COL25A1: variants seen among roughly 807,000 people sequenced by gnomAD.
The protein encoded by COL25A1 is collagen alpha-1(XXV) chain.
In COL25A1, 103 loss-of-function variants were observed where a neutral mutation model predicts 128.4. The ratio of observed to expected loss-of-function variants is 0.80; its 90% CI spans 0.68 to 0.94. COL25A1 has a LOEUF of 0.94. Ranked by LOEUF, COL25A1 falls within the 40% of genes least tolerant of loss-of-function variation. The pLI is 0.00. For synonymous variants in COL25A1, 279 were observed against 277.2 expected, an observed-to-expected ratio of 1.01 and a Z score of -0.06; for missense variants, 745 against 840.0, an observed-to-expected ratio of 0.89 and a Z score of 1.40.
At chr4:109,275,895 A>G (rs1722790717) in intron 3 of COL25A1, among the ~76,000 whole-genome samples, 1 of 152,174 alleles carries the variant, frequency 6.6e-6, no homozygotes, top group Non-Finnish European at 1.5e-5. Flanking sequence ...AGAGAAAGTC[A>G]TGTGAGCATT....
intron 13 of COL25A1, among the ~76,000 whole-genome samples, chr4:108,908,703 C>CTCCT (rs1322599613): frequency 1.3e-5 from 2 of 152,170 alleles, no homozygotes; most frequent in African/African-American, 4.8e-5. Flanking sequence ...AAGAGTAATT[C>CTCCT]ACACAGAGGC....
At chr4:109,302,142 G>A in intron 1 of COL25A1, 27 bp downstream of exon 1, 1 of 1,296,214 alleles carries the variant, frequency 7.7e-7, no homozygotes. Flanking sequence ...CTAGTTGGTG[G>A]AGTCAAGCCC....
chr4:109,133,646 A>G (rs984792822), intron 3 of COL25A1, among the ~76,000 whole-genome samples: 2 of 152,190 alleles, frequency 1.3e-5, no homozygotes, highest in Non-Finnish European at 2.9e-5. Context: ...AGCAGCAGGA[A>G]TTTAAGAACT....
At chr4:108,887,757 T>G (rs541194905) in intron 18 of COL25A1, among the ~76,000 whole-genome samples, 3 of 152,192 alleles carry the variant, frequency 2.0e-5, no homozygotes, top group Non-Finnish European at 4.4e-5. Context: ...TGAAAATCTA[T>G]TTGAATATTC....
At chr4:108,821,995 A>G (rs1731818488) in intron 35 of COL25A1, among the ~76,000 whole-genome samples, 1 of 147,572 alleles carries the variant, frequency 6.8e-6, no homozygotes, top group African/African-American at 2.5e-5. Context: ...CCTATGCTGT[A>G]ATGCTGGTAA....
rs147107349 is a variant in COL25A1, at chr4:108,854,660, A to T, written c.1321-1735T>A. On this transcript the variant is annotated intron_variant, in intron 24 of 37. Coordinates refer to ENST00000399132, the MANE Select transcript of COL25A1 (RefSeq NM_198721.4). ...AGAAATGCAAATCAAAACCACAATG[A>T]GATACCATCTCATGCCAGTTAGAAT... Among the ~76,000 whole-genome samples the T allele has an allele frequency of 4.2e-3, 636 of 152,302 alleles. 5 individuals carry two copies. Among genetic ancestry groups the T allele is most frequent in the African/African-American group, 0.015 (610 of 41,560 alleles).
chr4:108,983,697 G>A (rs187332087), intron 6 of COL25A1, among the ~76,000 whole-genome samples: 2 of 152,092 alleles, frequency 1.3e-5, no homozygotes, highest in African/African-American at 2.4e-5. Flanking sequence ...CGCTGGCTCA[G>A]GAGTGAAGCT....
Position 109,001,145 on chromosome 4 carries a change from A to C in COL25A1, c.438+9213T>G, listed in dbSNP as rs146727106. Among the ~76,000 whole-genome samples the C allele has an allele frequency of 4.8e-3, 736 of 152,312 alleles. 4 individuals are homozygous for C. The highest frequency in any genetic ancestry group is 8.7e-3 in the Non-Finnish European group (591 of 68,028). On this transcript the variant is annotated intron_variant, in intron 6 of 37. Coordinates refer to ENST00000399132, the MANE Select transcript of COL25A1 (RefSeq NM_198721.4). ...TCTAAATGAAAACCATTAAGACTCA[A>C]GGTTTTGAGGTCAGAAGAGTGACAT... is the stretch of plus-strand genomic sequence containing the variant.
intron 3 of COL25A1, among the ~76,000 whole-genome samples, chr4:109,269,022 G>A (rs1004970871): frequency 6.6e-6 from 1 of 151,064 alleles, no homozygotes; most frequent in Non-Finnish European, 1.5e-5. Flanking sequence ...ATGCTGGTGT[G>A]CTGCACCCAC....
chr4:108,823,819 G>T, intron 35 of COL25A1: 5 of 932,578 alleles, frequency 5.4e-6, no homozygotes, highest in Admixed American at 4.4e-5. Flanking sequence ...AGGGTTCAAT[G>T]AGCTCTGCCA....
chr4:109,160,922 T>C lies in COL25A1; in HGVS notation c.368-110743A>G, dbSNP rs535319184. On this transcript the variant is annotated intron_variant, in intron 3 of 37. Transcript: ENST00000399132. ...ATAACAATACAGCATTTTATTTTTA[T>C]AAATTTGAATATTGTTAGACTCTGT... Among the ~76,000 whole-genome samples, 208 of 152,328 alleles carry C rather than the reference T, an allele frequency of 1.4e-3. 1 individual carries two copies. The highest frequency in any genetic ancestry group is 1.9e-3 in the Non-Finnish European group (132 of 68,026).
chr4:108,973,002 T>C (rs1752069034), intron 8 of COL25A1, among the ~76,000 whole-genome samples: 1 of 152,208 alleles, frequency 6.6e-6, no homozygotes, highest in Non-Finnish European at 1.5e-5. Flanking sequence ...ACAGCTAAGC[T>C]GTGAACCACC....
intron 3 of COL25A1, among the ~76,000 whole-genome samples, chr4:109,096,911 C>T (rs765265374): frequency 2.6e-5 from 4 of 152,062 alleles, no homozygotes; most frequent in Non-Finnish European, 4.4e-5. Flanking sequence ...ATTCATTAAT[C>T]GGGGCATCCT....
intron 3 of COL25A1, among the ~76,000 whole-genome samples, chr4:109,130,002 T>TAAAAAAAAAAA (rs35187548): frequency 2.9e-5 from 4 of 138,690 alleles, no homozygotes; most frequent in Non-Finnish European, 3.2e-5. Flanking sequence ...AAAGTATAAT[T>TAAAAAAAAAAA]AAAAAAAAAA....
At chr4:108,920,635 C>T (rs1745393920) in intron 11 of COL25A1, 31 bp from the exon 12 acceptor site, 2 of 1,572,356 alleles carry the variant, frequency 1.3e-6, no homozygotes, top group Admixed American at 3.5e-5. Context: ...AATTAACATA[C>T]TATTGTAGCC....
At position 108,942,273 on chromosome 4, in the gene COL25A1, G is replaced by A. The variant is rs1005066081; in HGVS notation, c.493-836C>T. 1.0e-5 allele frequency: 16 copies of A among 1,549,870 alleles called. No individual in the cohort carries two copies. In the African/African-American group the frequency reaches 1.9e-4, roughly 19 times the overall value. On this transcript the variant is annotated intron_variant, in intron 8 of 37. Transcript: ENST00000399132. The stretch of plus-strand genomic sequence containing the variant: ...TGTGGGGAAGCCTGGCAGGCCCTAT[G>A]GACATAGCACAGCACCAAAACAACA...
intron 3 of COL25A1, among the ~76,000 whole-genome samples, chr4:109,065,762 C>T (rs944670801): frequency 2.6e-5 from 4 of 152,134 alleles, no homozygotes; most frequent in Non-Finnish European, 4.4e-5. Flanking sequence ...TAATGACTAT[C>T]TCTGGTCATT....
intron 3 of COL25A1, among the ~76,000 whole-genome samples, chr4:109,067,567 AT>A (rs1196911538): frequency 6.6e-6 from 1 of 152,230 alleles, no homozygotes; most frequent in Non-Finnish European, 1.5e-5. Flanking sequence ...GTTGGGGAAC[AT>A]TTAGGATATC....
At chr4:109,291,019 A>G (rs1724421552) in intron 3 of COL25A1, among the ~76,000 whole-genome samples, 2 of 152,110 alleles carry the variant, frequency 1.3e-5, no homozygotes, top group African/African-American at 4.8e-5. Context: ...TGAAGTCCAT[A>G]CTTTGAGACT....
Sources: gnomAD v4.1 joint callset for allele counts (sites outside exome capture counted in the v4.1 genomes callset) on GRCh38, gnomAD v4.1.1 for gene constraint, MANE v1.5 for transcripts, NCBI Gene and HGNC (gene_info 2026-07-23, HGNC 2026-07-21) for gene names.